The following RALYL variants were observed in gnomAD, a reference collection of about 807,000 sequenced individuals.
RALYL encodes the protein RALY RNA binding protein like.
A neutral mutation model predicts 35.1 loss-of-function variants in RALYL; 29 were observed. The ratio of observed to expected loss-of-function variants is 0.83; its 90% CI spans 0.61 to 1.13. The LOEUF is 1.13. RALYL is among the 50% of genes most tolerant of loss of function. The pLI is 0.00. For missense variants in RALYL, 359 were observed against 360.4 expected (o/e 1.00, Z 0.03); for synonymous variants, 120 against 127.6 (o/e 0.94, Z 0.40).
intron 2 of RALYL, among the ~76,000 whole-genome samples, chr8:84,560,459 A>G (rs576502479): frequency 6.6e-6 from 1 of 152,124 alleles, no homozygotes; most frequent in South Asian, 2.1e-4. Flanking sequence ...TACAATAACA[A>G]TAGAGACAAT....
At chr8:84,699,058 G>A (rs1478066892) in intron 2 of RALYL, among the ~76,000 whole-genome samples, 1 of 126,466 alleles carries the variant, frequency 7.9e-6, no homozygotes, top group South Asian at 2.5e-4. Flanking sequence ...AGATAGATAG[G>A]ATAAATAGAT....
chr8:84,604,280 T>C (rs933731300), intron 2 of RALYL, among the ~76,000 whole-genome samples: 3 of 152,146 alleles, frequency 2.0e-5, no homozygotes, highest in Non-Finnish European at 4.4e-5. Context: ...CTAAGTAACA[T>C]GTGGCTTATT....
chr8:84,655,460 T>C (rs761826605), intron 2 of RALYL, among the ~76,000 whole-genome samples: 5 of 151,812 alleles, frequency 3.3e-5, no homozygotes, highest in Non-Finnish European at 7.4e-5. Context: ...TCCCAAGTAA[T>C]TGAGACTACA....
intron 1 of RALYL, among the ~76,000 whole-genome samples, chr8:84,202,024 T>A (rs1369770325): frequency 6.6e-6 from 1 of 152,212 alleles, no homozygotes; most frequent in Middle Eastern, 3.2e-3. Flanking sequence ...TCCATTGTAA[T>A]AATGTACTTT....
chr8:84,900,919 G>C (rs561204391), intron 8 of RALYL, among the ~76,000 whole-genome samples: 2 of 152,294 alleles, frequency 1.3e-5, no homozygotes, highest in East Asian at 3.9e-4. Context: ...ACAGGCAGGA[G>C]AGATTTTAAG....
intron 4 of RALYL, among the ~76,000 whole-genome samples, chr8:84,831,390 G>A (rs1222644865): frequency 6.6e-6 from 1 of 151,358 alleles, no homozygotes; most frequent in African/African-American, 2.5e-5. Flanking sequence ...CATTTTGTAT[G>A]TGTGAAGATG....
chr8:84,761,121 G>A (rs939218755), intron 2 of RALYL, among the ~76,000 whole-genome samples: 4 of 151,936 alleles, frequency 2.6e-5, no homozygotes, highest in South Asian at 2.1e-4. Flanking sequence ...ATCATAATTG[G>A]CTCTCAGCTT....
intron 4 of RALYL, among the ~76,000 whole-genome samples, chr8:84,843,451 C>A (rs529773739): frequency 6.6e-6 from 1 of 152,098 alleles, no homozygotes; most frequent in African/African-American, 2.4e-5. Context: ...CAAACCACTG[C>A]TCAATGAAAT....
rs145568791 is a variant in RALYL at position 84,861,548 on chromosome 8, T to C, written c.414-748T>C. On this transcript the variant is annotated intron_variant, in intron 5 of 8. Transcript: ENST00000521268. The stretch of plus-strand genomic sequence containing the variant: ...TTGATTTTTTTGTTAAATATGCTTG[T>C]AATATCTAACTATAAAATATCTCTA... Among the ~76,000 whole-genome samples the C allele has an allele frequency of 2.0e-5, 3 of 152,354 alleles. No homozygotes were observed. The East Asian group carries it at 5.8e-4, about 29-fold the overall frequency.
intron 1 of RALYL, among the ~76,000 whole-genome samples, chr8:84,210,376 A>G (rs1475099916): frequency 6.7e-6 from 1 of 149,754 alleles, no homozygotes; most frequent in Non-Finnish European, 1.5e-5. Context: ...CTCAAATTGG[A>G]TTTTTTTTTT....
intron 1 of RALYL, among the ~76,000 whole-genome samples, chr8:84,278,110 C>T (rs1230645965): frequency 6.6e-6 from 1 of 152,256 alleles, no homozygotes; most frequent in Non-Finnish European, 1.5e-5. Flanking sequence ...CAGCAAACTT[C>T]TGCCTAGACA....
chr8:84,530,082 T>C (rs530259228), intron 2 of RALYL, among the ~76,000 whole-genome samples: 1 of 152,304 alleles, frequency 6.6e-6, no homozygotes, highest in Admixed American at 6.5e-5. Context: ...GGATTTTGTG[T>C]ATTATACCTG....
At chr8:84,363,251 C>T (rs758891310) in intron 1 of RALYL, among the ~76,000 whole-genome samples, 3 of 152,140 alleles carry the variant, frequency 2.0e-5, no homozygotes, top group Admixed American at 6.6e-5. Flanking sequence ...TTCTTCTAAT[C>T]GCAGTGATGT....
intron 2 of RALYL, among the ~76,000 whole-genome samples, chr8:84,666,371 C>A (rs142939540): frequency 3.3e-5 from 5 of 152,088 alleles, no homozygotes; most frequent in African/African-American, 1.2e-4. Context: ...CACATGTATA[C>A]AGGCACACAC....
At chr8:84,876,438 A>AT (rs1841157216) in intron 7 of RALYL, among the ~76,000 whole-genome samples, 1 of 152,232 alleles carries the variant, frequency 6.6e-6, no homozygotes, top group African/African-American at 2.4e-5. Flanking sequence ...TCGGCCAGCA[A>AT]TTTTGCCTCA....
chr8:84,646,009 C>T (rs932923549), intron 2 of RALYL, among the ~76,000 whole-genome samples: 6 of 151,930 alleles, frequency 3.9e-5, no homozygotes, highest in Non-Finnish European at 7.4e-5. Context: ...GATGCAGATT[C>T]AGGTCTTCTT....
intron 1 of RALYL, among the ~76,000 whole-genome samples, chr8:84,256,530 G>A (rs950849963): frequency 1.3e-5 from 2 of 152,034 alleles, no homozygotes; most frequent in African/African-American, 2.4e-5. Context: ...GGCACTACTT[G>A]ATGTCCTTAT....
chr8:84,859,043 C>G lies in RALYL; in HGVS notation c.414-3253C>G, dbSNP rs11984567. On this transcript the variant is annotated intron_variant, in intron 5 of 8. Transcript: ENST00000521268. Reference sequence around the variant, plus strand: ...ACAAAGGAAGGAAAGAATGAAGTAACAAAAGCAGAGGTTTGTGGAAAATGA... The same window carrying G: ...ACAAAGGAAGGAAAGAATGAAGTAAGAAAAGCAGAGGTTTGTGGAAAATGA... 6.3e-3 allele frequency among the ~76,000 whole-genome samples: 955 copies of G among 152,232 alleles called. 9 individuals are homozygous for G. The highest frequency in any genetic ancestry group is 0.022 in the African/African-American group (901 of 41,534).
intron 1 of RALYL, among the ~76,000 whole-genome samples, chr8:84,303,566 A>T (rs1177899519): frequency 6.6e-6 from 1 of 152,154 alleles, no homozygotes; most frequent in Admixed American, 6.5e-5. Context: ...TCAGAGAGAG[A>T]TGTAGGTATT....
Sources: gnomAD v4.1 joint callset for allele counts (sites outside exome capture counted in the v4.1 genomes callset) on GRCh38, gnomAD v4.1.1 for gene constraint, MANE v1.5 for transcripts, NCBI Gene and HGNC (gene_info 2026-07-23, HGNC 2026-07-21) for gene names.